The following LRRFIP1 variants were observed in gnomAD, a reference collection of about 807,000 sequenced individuals.
The protein encoded by LRRFIP1 is LRR binding FLII interacting protein 1.
A neutral mutation model predicts 104.4 loss-of-function variants in LRRFIP1; 62 were observed. The ratio of observed to expected loss-of-function variants is 0.59; its 90% CI spans 0.48 to 0.73. The LOEUF is 0.73. Among genes scored for constraint, LRRFIP1 ranks in the 30% least tolerant of loss-of-function variants. The probability of loss-of-function intolerance (pLI) is 0.00; values close to 1 mark genes in which losing one functional copy is unlikely to be tolerated. For synonymous variants in LRRFIP1, 300 were observed against 299.0 expected (o/e 1.00, Z -0.03); for missense variants, 796 against 824.5 (o/e 0.97, Z 0.42).
chr2:237,696,934 A>G (rs1159892173), intron 1 of LRRFIP1, among the ~76,000 whole-genome samples: 1 of 152,220 alleles, frequency 6.6e-6, no homozygotes, highest in African/African-American at 2.4e-5. Flanking sequence ...TCTTGAATGC[A>G]TACTGGGAAG....
chr2:237,635,436 C>T (rs891594655), intron 1 of LRRFIP1, among the ~76,000 whole-genome samples: 1 of 152,168 alleles, frequency 6.6e-6, no homozygotes, highest in Non-Finnish European at 1.5e-5. Context: ...GAGGTGGAAG[C>T]AGGTTGTCAA....
At chr2:237,692,214 C>G (rs895767434) in intron 1 of LRRFIP1, 14 of 1,082,960 alleles carry the variant, frequency 1.3e-5, no homozygotes, top group Non-Finnish European at 1.6e-5. Context: ...CGCCCTTCCA[C>G]CCCGAGCCCG....
At chr2:237,747,720 A>G (rs1457850935) in intron 11 of LRRFIP1, among the ~76,000 whole-genome samples, 1 of 152,172 alleles carries the variant, frequency 6.6e-6, no homozygotes, top group Non-Finnish European at 1.5e-5. Context: ...AGCTACGGGA[A>G]GTTGGGTTGA....
At chr2:237,731,986 T>A (rs1312929903) in intron 8 of LRRFIP1, among the ~76,000 whole-genome samples, 1 of 152,232 alleles carries the variant, frequency 6.6e-6, no homozygotes, top group Non-Finnish European at 1.5e-5. Flanking sequence ...TATTTAAATA[T>A]AATAATGGAA....
intron 1 of LRRFIP1, among the ~76,000 whole-genome samples, chr2:237,654,965 G>C (rs182852718): frequency 6.6e-6 from 1 of 151,788 alleles, no homozygotes; most frequent in Admixed American, 6.6e-5. Flanking sequence ...ATGTGGTATC[G>C]AGACACAATG....
At chr2:237,758,853 A>G in intron 18 of LRRFIP1, 32 bp downstream of exon 18, 7 of 1,512,806 alleles carry the variant, frequency 4.6e-6, no homozygotes, top group Non-Finnish European at 6.2e-6. Flanking sequence ...TTATTTAAAA[A>G]AAAAGAAAAA....
intron 11 of LRRFIP1, among the ~76,000 whole-genome samples, chr2:237,744,813 G>A (rs1163346766): frequency 2.6e-5 from 4 of 152,238 alleles, no homozygotes; most frequent in African/African-American, 9.6e-5. Context: ...CAATGTGTTC[G>A]GCGCTGTCGC....
chr2:237,678,741 C>T (rs943897947), intron 1 of LRRFIP1, among the ~76,000 whole-genome samples: 4 of 152,128 alleles, frequency 2.6e-5, no homozygotes, highest in Non-Finnish European at 5.9e-5. Flanking sequence ...CTCCTGACCT[C>T]AAGTGATCTG....
At chr2:237,743,254 A>C (rs1434842386) in intron 11 of LRRFIP1, among the ~76,000 whole-genome samples, 2 of 149,998 alleles carry the variant, frequency 1.3e-5, no homozygotes, top group East Asian at 2.0e-4. Context: ...GGTTTGGGAG[A>C]TACAGGTGCA....
chr2:237,696,594 T>C (rs1048507692), intron 1 of LRRFIP1, among the ~76,000 whole-genome samples: 1 of 152,224 alleles, frequency 6.6e-6, no homozygotes, highest in Non-Finnish European at 1.5e-5. Flanking sequence ...GCAGATCGTT[T>C]TCTCTCAGTT....
intron 1 of LRRFIP1, among the ~76,000 whole-genome samples, chr2:237,632,398 C>T (rs1182878070): frequency 6.6e-6 from 1 of 152,236 alleles, no homozygotes; most frequent in Non-Finnish European, 1.5e-5. Context: ...GCCGAGACCA[C>T]CTCCCTCCCC....
At chr2:237,701,620 A>G (rs944709988) in intron 1 of LRRFIP1, among the ~76,000 whole-genome samples, 3 of 152,158 alleles carry the variant, frequency 2.0e-5, no homozygotes, top group Non-Finnish European at 2.9e-5. Context: ...CTGTCTTCTT[A>G]TAGCTGGGAA....
At position 237,759,084 on chromosome 2, in the gene LRRFIP1, T is replaced by C. The variant is rs545056162; in HGVS notation, c.1317+263T>C. Among the ~76,000 whole-genome samples the C allele has an allele frequency of 2.0e-5, 3 of 152,346 alleles. No individual in the cohort carries two copies. In the South Asian group the frequency reaches 6.2e-4, roughly 32 times the overall value. On this transcript the variant is annotated intron_variant, in intron 18 of 23. Coordinates refer to ENST00000308482, the MANE Select transcript of LRRFIP1 (RefSeq NM_001137550.2). ...AATTTTTTGATACATTATCTAAATT[T>C]TTCTCATACTCACTAGTAAATTCTC... is the stretch of plus-strand genomic sequence containing the variant.
chr2:237,752,379 C>A lies in LRRFIP1; in HGVS notation c.868-930C>A, dbSNP rs146259321. On this transcript the variant is annotated intron_variant, in intron 14 of 23. Transcript: ENST00000308482. The stretch of plus-strand genomic sequence containing the variant: ...CGAGATCGTGCCACTGCACTCCAGC[C>A]TGGGTGACAGAGCGAGACACTGTTT... Among the ~76,000 whole-genome samples the A allele has an allele frequency of 2.5e-3, 379 of 152,338 alleles. 1 individual carries two copies. Among genetic ancestry groups the A allele is most frequent in the African/African-American group, 8.4e-3 (351 of 41,574 alleles).
chr2:237,684,643 T>C (rs1279656461), intron 1 of LRRFIP1, among the ~76,000 whole-genome samples: 1 of 152,232 alleles, frequency 6.6e-6, no homozygotes, highest in Non-Finnish European at 1.5e-5. Flanking sequence ...TCTGAGAGCA[T>C]GTATAGATTT....
intron 1 of LRRFIP1, chr2:237,692,278 C>G (rs1326038222): frequency 8.5e-7 from 1 of 1,173,876 alleles, no homozygotes; most frequent in African/African-American, 1.6e-5. Flanking sequence ...CCGAGCCCAG[C>G]GCCGCGAGCC....
chr2:237,692,308 C>T, intron 1 of LRRFIP1: 1 of 1,215,356 alleles, frequency 8.2e-7, no homozygotes, highest in Non-Finnish European at 1.0e-6. Flanking sequence ...CGGGCTGGCT[C>T]CTGGCCCCGG....
At chr2:237,753,769 G>A (rs1428293361) in intron 15 of LRRFIP1, among the ~76,000 whole-genome samples, 2 of 135,168 alleles carry the variant, frequency 1.5e-5, no homozygotes, top group African/African-American at 5.4e-5. Context: ...TCCAGCTTGG[G>A]CAACAGAGAA....
At chr2:237,667,859 C>G (rs770588237) in intron 1 of LRRFIP1, among the ~76,000 whole-genome samples, 1 of 152,142 alleles carries the variant, frequency 6.6e-6, no homozygotes, top group African/African-American at 2.4e-5. Context: ...TTCACTCAGG[C>G]TCCGTCAGCC....
Sources: allele counts gnomAD v4.1 joint callset (sites outside exome capture counted in the v4.1 genomes callset), GRCh38; gene constraint gnomAD v4.1.1; transcripts MANE v1.5; gene names NCBI Gene and HGNC (gene_info 2026-07-23, HGNC 2026-07-21).